Variants in PACS1 observed in about 807,000 individuals in gnomAD.
PACS1 encodes PACS-1.
PACS1 carries 24 observed loss-of-function variants against 115.0 expected under a neutral mutation model. The observed-to-expected ratio is 0.21, with a 90% confidence interval of 0.15 to 0.29. PACS1 has a LOEUF of 0.29. Ranked by LOEUF, PACS1 falls within the 10% of genes least tolerant of loss-of-function variation. The pLI, the probability that PACS1 is intolerant of heterozygous loss-of-function variation, is 1.00. For missense variants in PACS1, 838 were observed against 1,251.2 expected, an observed-to-expected ratio of 0.67 and a Z score of 4.98; for synonymous variants, 453 against 504.5, an observed-to-expected ratio of 0.90 and a Z score of 1.37.
chr11:66,204,798 C>T (rs992897164), intron 2 of PACS1, among the ~76,000 whole-genome samples: 4 of 151,990 alleles, frequency 2.6e-5, no homozygotes, highest in Non-Finnish European at 5.9e-5. Context: ...CTCATATGGG[C>T]AGTCGGGCAG....
chr11:66,233,910 G>C lies in PACS1; in HGVS notation c.1964G>C (p.Gly655Ala). Residue 655 changes from glycine to alanine, a missense_variant, in exon 16 of 24, where the codon GGC becomes GCC. Gly to Ala is a moderately conservative substitution (Grantham distance 60). Coordinates refer to ENST00000320580, the MANE Select transcript of PACS1 (RefSeq NM_018026.4). This position sits in a 1 kb window ranked among gnomAD's most constrained non-coding sequence, Gnocchi z 4.5. ...GCCAACAAGACCTCCGACTGGCTTG[G>C]CTACATGCGCTTCCTCATCATCCCC... is the stretch of plus-strand genomic sequence containing the variant. ...SLANKTSDWL[G>A]YMRFLIIPLG... The C allele has an allele frequency of 6.3e-7, 1 of 1,583,286 alleles. No individual in the cohort carries two copies. Among genetic ancestry groups the C allele is most frequent in the Non-Finnish European group, 8.6e-7 (1 of 1,162,552 alleles).
At chr11:66,203,111 C>T (rs1175419931) in intron 2 of PACS1, among the ~76,000 whole-genome samples, 2 of 152,044 alleles carry the variant, frequency 1.3e-5, no homozygotes, top group Non-Finnish European at 2.9e-5. Context: ...TGTGGAAAAA[C>T]CTACACTTCA....
At chr11:66,072,202 G>A (rs1857319868) in intron 1 of PACS1, among the ~76,000 whole-genome samples, 1 of 151,938 alleles carries the variant, frequency 6.6e-6, no homozygotes, top group South Asian at 2.1e-4. Context: ...TCAGCATTAG[G>A]TTTGTGAGAA....
chr11:66,071,134 A>C (rs1338101331), intron 1 of PACS1, among the ~76,000 whole-genome samples: 1 of 152,160 alleles, frequency 6.6e-6, no homozygotes, highest in South Asian at 2.1e-4. Context: ...CCTTCCTGGC[A>C]GTCAGTTTCC....
intron 1 of PACS1, among the ~76,000 whole-genome samples, chr11:66,160,191 A>G (rs932075286): frequency 1.3e-5 from 2 of 152,216 alleles, no homozygotes; most frequent in African/African-American, 2.4e-5. Context: ...CAAGTTTTAT[A>G]TCTAATTTAG....
chr11:66,126,695 A>G (rs1290911760), intron 1 of PACS1, among the ~76,000 whole-genome samples: 3 of 151,888 alleles, frequency 2.0e-5, no homozygotes, highest in African/African-American at 7.3e-5. Flanking sequence ...GGGGGTGGGG[A>G]TGAGGGAGAA....
intron 1 of PACS1, among the ~76,000 whole-genome samples, chr11:66,137,240 G>A (rs1332809809): frequency 1.3e-5 from 2 of 151,108 alleles, no homozygotes; most frequent in Non-Finnish European, 2.9e-5. Flanking sequence ...AAATGGATTT[G>A]TGTGAGTGTG....
At position 66,086,965 on chromosome 11, in the gene PACS1, A is replaced by G. The variant is rs182735511; in HGVS notation, c.356+16123A>G. Among the ~76,000 whole-genome samples the G allele has an allele frequency of 1.1e-4, 16 of 152,266 alleles. No individual in the cohort carries two copies. The East Asian group carries it at 2.9e-3, about 28-fold the overall frequency. ...TTCTGAGGCTGTGTCATGGAAATAA[A>G]CAAAAAACCTTTTGTTTGGAATGTC... On this transcript the variant is annotated intron_variant, in intron 1 of 23. Coordinates refer to ENST00000320580, the MANE Select transcript of PACS1 (RefSeq NM_018026.4).
intron 10 of PACS1, among the ~76,000 whole-genome samples, chr11:66,223,765 G>C (rs903794835): frequency 3.3e-5 from 5 of 152,200 alleles, no homozygotes; most frequent in African/African-American, 1.2e-4. Flanking sequence ...GCAGTAAGCA[G>C]AACACCTAAC....
chr11:66,187,987 C>T (rs887159204), intron 1 of PACS1, among the ~76,000 whole-genome samples: 1 of 152,050 alleles, frequency 6.6e-6, no homozygotes, highest in African/African-American at 2.4e-5. Flanking sequence ...TATTTTTTGT[C>T]TTTTTGATAG....
Position 66,216,788 on chromosome 11 carries a change from G to A in PACS1, c.978+13G>A, listed in dbSNP as rs1855221783. The A allele has an allele frequency of 1.2e-6, 2 of 1,605,204 alleles. No homozygotes were observed. The highest frequency in any genetic ancestry group is 8.5e-7 in the Non-Finnish European group (1 of 1,173,532). ...TGCCATCACAAGGGTGAGCCTCAAAGGTCTGGGGAGTGGTTGGCTAAGATT... is the reference window on the plus strand; with the variant it reads ...TGCCATCACAAGGGTGAGCCTCAAAAGTCTGGGGAGTGGTTGGCTAAGATT... On this transcript the variant is annotated intron_variant, in intron 7 of 23. Transcript: ENST00000320580.
intron 1 of PACS1, among the ~76,000 whole-genome samples, chr11:66,104,210 G>C (rs1857983362): frequency 6.6e-6 from 1 of 152,186 alleles, no homozygotes; most frequent in Non-Finnish European, 1.5e-5. Context: ...CAGGGACCGT[G>C]TGTAAGTGAA....
At chr11:66,081,106 G>A (rs775438797) in intron 1 of PACS1, among the ~76,000 whole-genome samples, 9 of 151,928 alleles carry the variant, frequency 5.9e-5, no homozygotes, top group Non-Finnish European at 1.2e-4. Context: ...GGTGGCACAC[G>A]CCTGTGGTCC....
At chr11:66,234,297 C>T in intron 17 of PACS1, 55 bp downstream of exon 17, 1 of 1,201,340 alleles carries the variant, frequency 8.3e-7, no homozygotes, top group Non-Finnish European at 1.2e-6. Flanking sequence ...CAGGTGCCAG[C>T]CTGGCTGCAG....
intron 1 of PACS1, among the ~76,000 whole-genome samples, chr11:66,136,791 C>G (rs1233138958): frequency 6.6e-6 from 1 of 152,122 alleles, no homozygotes; most frequent in Non-Finnish European, 1.5e-5. Flanking sequence ...TAAAACTTAA[C>G]TCATGGGAAT....
intron 1 of PACS1, among the ~76,000 whole-genome samples, chr11:66,106,671 G>A (rs1311000035): frequency 6.6e-6 from 1 of 151,986 alleles, no homozygotes; most frequent in Non-Finnish European, 1.5e-5. Context: ...TGGGAGGATC[G>A]CTTGAGCCCA....
intron 1 of PACS1, among the ~76,000 whole-genome samples, chr11:66,103,613 T>C (rs1440132491): frequency 1.3e-5 from 2 of 150,966 alleles, no homozygotes; most frequent in African/African-American, 4.9e-5. Flanking sequence ...TGAGTTCAAG[T>C]GTTTCTCTTA....
chr11:66,201,235 G>T (rs777181068), intron 2 of PACS1, among the ~76,000 whole-genome samples: 2 of 151,546 alleles, frequency 1.3e-5, no homozygotes, highest in African/African-American at 2.4e-5. Flanking sequence ...AAAAAAAGTT[G>T]AAATAATATC....
chr11:66,232,322 C>T (rs754776359), intron 14 of PACS1, 46 bp downstream of exon 14: 6 of 1,115,296 alleles, frequency 5.4e-6, no homozygotes, highest in Non-Finnish European at 6.8e-6. Flanking sequence ...GGAGGGCAGG[C>T]AATGCCCGGT....
Sources: allele counts gnomAD v4.1 joint callset (sites outside exome capture counted in the v4.1 genomes callset), GRCh38; gene constraint gnomAD v4.1.1; non-coding constraint Gnocchi (gnomAD v3.1); transcripts MANE v1.5; gene names NCBI Gene and HGNC (gene_info 2026-07-23, HGNC 2026-07-21).